TRAP1: variants seen among roughly 807,000 people sequenced by gnomAD.
TRAP1 encodes the protein TNF receptor associated protein 1.
TRAP1 carries 102 observed loss-of-function variants against 89.1 expected under a neutral mutation model. The ratio of observed to expected loss-of-function variants is 1.15; its 90% CI spans 0.98 to 1.35. TRAP1 has a LOEUF of 1.35. Among genes scored for constraint, TRAP1 ranks in the 40% most tolerant of loss-of-function variants. The probability of loss-of-function intolerance (pLI) is 0.00; values close to 1 mark genes in which losing one functional copy is unlikely to be tolerated. For missense variants in TRAP1, 1,256 were observed against 945.3 expected (o/e 1.33, Z -4.31); for synonymous variants, 508 against 388.0 (o/e 1.31, Z -3.64).
intron 16 of TRAP1, chr16:3,660,357 C>G (rs183808764): frequency 6.6e-6 from 1 of 152,386 alleles, no homozygotes; most frequent in African/African-American, 2.4e-5. Context: ...GTGAAGCTGG[C>G]TGGGCACAGT....
chr16:3,715,965 C>T (rs1043265174), intron 1 of TRAP1, among the ~76,000 whole-genome samples: 2 of 152,072 alleles, frequency 1.3e-5, no homozygotes, highest in African/African-American at 2.4e-5. Context: ...TGGGTTCAAG[C>T]GATTCTCCTG....
intron 1 of TRAP1, among the ~76,000 whole-genome samples, chr16:3,700,138 G>A (rs1340425525): frequency 1.3e-5 from 2 of 152,050 alleles, no homozygotes; most frequent in Admixed American, 1.3e-4. Context: ...TTCTTGGTAT[G>A]CCAAAGTATC....
chr16:3,699,905 T>C (rs2051342713), intron 1 of TRAP1, among the ~76,000 whole-genome samples: 1 of 151,510 alleles, frequency 6.6e-6, no homozygotes, highest in African/African-American at 2.4e-5. Context: ...AAGCTCCTGG[T>C]CTCAAGCAAT....
intron 1 of TRAP1, among the ~76,000 whole-genome samples, chr16:3,697,134 T>A (rs535519105): frequency 3.3e-5 from 5 of 152,326 alleles, no homozygotes; most frequent in African/African-American, 1.2e-4. Context: ...TCATCCTACA[T>A]TCCTGCCAAG....
chr16:3,687,425 C>A (rs1227435484), intron 3 of TRAP1: 1 of 152,228 alleles, frequency 6.6e-6, no homozygotes, highest in Admixed American at 6.6e-5. Flanking sequence ...TGAAAATGGA[C>A]TAATACACTC....
chr16:3,682,581 C>T (rs1454186737), intron 4 of TRAP1, among the ~76,000 whole-genome samples: 1 of 152,092 alleles, frequency 6.6e-6, no homozygotes, highest in Non-Finnish European at 1.5e-5. Context: ...TCAGCAGAGA[C>T]AGGGTTTCAC....
intron 13 of TRAP1, 39 bp from the exon 14 acceptor site, chr16:3,663,601 G>C: frequency 6.2e-7 from 1 of 1,610,294 alleles, no homozygotes; most frequent in Non-Finnish European, 8.5e-7. Flanking sequence ...GACCCCGGGG[G>C]CCTCCAGCCA....
intron 13 of TRAP1, chr16:3,663,934 G>A (rs770557329): frequency 1.4e-4 from 49 of 353,724 alleles, no homozygotes; most frequent in Non-Finnish European, 1.0e-4. Flanking sequence ...GTGGTGGTGT[G>A]CACCTGTAGT....
intron 3 of TRAP1, among the ~76,000 whole-genome samples, chr16:3,688,095 C>T (rs1048686188): frequency 6.6e-6 from 1 of 152,064 alleles, no homozygotes; most frequent in Non-Finnish European, 1.5e-5. Context: ...TGCCTTCCAG[C>T]AATAATCAGC....
chr16:3,707,773 G>A (rs2151283009), intron 1 of TRAP1, among the ~76,000 whole-genome samples: 1 of 150,290 alleles, frequency 6.7e-6, no homozygotes, highest in South Asian at 2.1e-4. Context: ...AGACTTGCTT[G>A]CACTCGGGAA....
intron 11 of TRAP1, among the ~76,000 whole-genome samples, chr16:3,667,849 C>T (rs2050857419): frequency 4.0e-5 from 6 of 149,776 alleles, no homozygotes; most frequent in Admixed American, 4.0e-4. Flanking sequence ...ACCTCTGCCT[C>T]CCGGGTTCAA....
chr16:3,695,406 G>A (rs1332156357), intron 1 of TRAP1, among the ~76,000 whole-genome samples: 10 of 151,804 alleles, frequency 6.6e-5, no homozygotes, highest in African/African-American at 9.7e-5. Context: ...ACGTGGTGGC[G>A]CACTTCTAGT....
intron 17 of TRAP1, 164 bp downstream of exon 17, chr16:3,658,629 C>T (rs1232261489): frequency 1.5e-5 from 10 of 672,868 alleles, no homozygotes; most frequent in South Asian, 9.6e-5. Context: ...GCCAAGATCG[C>T]GCCACTGCAC....
At chr16:3,697,531 G>T (rs1174543802) in intron 1 of TRAP1, among the ~76,000 whole-genome samples, 4 of 151,578 alleles carry the variant, frequency 2.6e-5, no homozygotes, top group Non-Finnish European at 5.9e-5. Flanking sequence ...AGGCGTAGTG[G>T]TGGGCGCCTG....
intron 5 of TRAP1, 39 bp from the exon 6 acceptor site, chr16:3,677,697 C>G: frequency 6.3e-7 from 1 of 1,598,578 alleles, no homozygotes; most frequent in Non-Finnish European, 8.5e-7. Flanking sequence ...AGCCTCCCCT[C>G]CAGAGAGCAG....
chr16:3,709,983 G>A (rs896959538), intron 1 of TRAP1, among the ~76,000 whole-genome samples: 3 of 152,176 alleles, frequency 2.0e-5, no homozygotes, highest in Non-Finnish European at 4.4e-5. Context: ...ATTCTGAACA[G>A]AAAGACCTGT....
Position 3,675,355 on chromosome 16 carries a change from T to C in TRAP1, c.857A>G (p.Tyr286Cys), listed in dbSNP as rs2050975176. 1 of 1,613,936 alleles carries C rather than the reference T, an allele frequency of 6.2e-7. No homozygotes were observed. The highest frequency in any genetic ancestry group is 1.3e-5 in the African/African-American group (1 of 74,902). The change falls in exon 8 of 18, where the codon TAC becomes TGC. Residue 286 changes from tyrosine to cysteine, a missense_variant. Tyr to Cys is a radical substitution (Grantham distance 194). Transcript: ENST00000246957. The part of the protein sequence containing the change: ...KYSNFVSFPL[Y>C]LNGRRMNTLQ... ...GGTGTTCATCCGCCTTCCATTCAAG[T>C]ACAAGGGGAAGCTGACGAAGTTGCT...
chr16:3,698,758 G>C (rs556636488), intron 1 of TRAP1, among the ~76,000 whole-genome samples: 9 of 152,162 alleles, frequency 5.9e-5, no homozygotes, highest in African/African-American at 2.2e-4. Flanking sequence ...AAACAGCCAG[G>C]TGTGGTGGTG....
intron 1 of TRAP1, among the ~76,000 whole-genome samples, chr16:3,693,309 A>G (rs1458919173): frequency 3.3e-5 from 5 of 152,110 alleles, no homozygotes. Context: ...CAATTCAGAA[A>G]GTATTCAAAT....
Sources: gnomAD v4.1 joint callset for allele counts (sites outside exome capture counted in the v4.1 genomes callset) on GRCh38, gnomAD v4.1.1 for gene constraint, MANE v1.5 for transcripts, NCBI Gene and HGNC (gene_info 2026-07-23, HGNC 2026-07-21) for gene names.